The following PDZD2 variants were observed in gnomAD, a reference collection of about 807,000 sequenced individuals.
The protein encoded by PDZD2 is PDZ domain containing 2, also known as PDZ domain-containing protein 2.
A neutral mutation model predicts 220.7 loss-of-function variants in PDZD2; 90 were observed. That is an observed-to-expected ratio of 0.41 (90% confidence interval 0.34 to 0.49). PDZD2 has a LOEUF of 0.49. Among genes scored for constraint, PDZD2 ranks in the 20% least tolerant of loss-of-function variants. PDZD2 has a pLI of 0.28. For missense variants in PDZD2, 3,174 were observed against 3,608.5 expected (o/e 0.88, Z 3.08); for synonymous variants, 1,375 against 1,450.5 (o/e 0.95, Z 1.18).
At chr5:31,710,258 T>G (rs1748026547) in intron 1 of PDZD2, among the ~76,000 whole-genome samples, 1 of 152,228 alleles carries the variant, frequency 6.6e-6, no homozygotes, top group South Asian at 2.1e-4. Flanking sequence ...CCAGTAGCAC[T>G]CTGAGACTGT....
Position 32,058,098 on chromosome 5 carries a change from A to G in PDZD2, c.2195A>G (p.Asn732Ser). Reference sequence around the variant, plus strand: ...AGGATCGTCATGGAAGTAACACTCAACAAAGGTGATAGCAGCTATTCCTTA... The same window carrying G: ...AGGATCGTCATGGAAGTAACACTCAGCAAAGGTGATAGCAGCTATTCCTTA... The part of the protein sequence containing the change: ...KDRIVMEVTL[N>S]KEPRVGLGIG... The change falls in exon 12 of 25, where the codon AAC (asparagine) becomes AGC (serine). Residue 732 changes from asparagine (N) to serine (S), a missense_variant. Physicochemically the swap from Asn to Ser is conservative, Grantham distance 46. Transcript: ENST00000438447. 6.6e-7 allele frequency: 1 copy of G among 1,506,322 alleles called. No homozygotes were observed. Among genetic ancestry groups the G allele is most frequent in the South Asian group, 1.1e-5 (1 of 89,004 alleles). 93.3% of individuals were successfully genotyped at this position (1,506,322 alleles called of 1,614,324 possible).
intron 2 of PDZD2, among the ~76,000 whole-genome samples, chr5:31,939,764 G>T (rs968134184): frequency 1.3e-5 from 2 of 152,174 alleles, no homozygotes; most frequent in Non-Finnish European, 2.9e-5. Flanking sequence ...CAAAGCTGAA[G>T]CATCTGTCAT....
At chr5:31,758,335 GGAGATGGAAT>G in intron 1 of PDZD2, among the ~76,000 whole-genome samples, 1 of 152,344 alleles carries the variant, frequency 6.6e-6, no homozygotes, top group Non-Finnish European at 1.5e-5. Context: ...CGATGGCACT[GGAGATGGAAT>G]GAGGGTTGGG....
chr5:31,743,177 C>CTTTTTTT (rs753388178), intron 1 of PDZD2, among the ~76,000 whole-genome samples: 1 of 142,902 alleles, frequency 7.0e-6, no homozygotes, highest in Non-Finnish European at 1.5e-5. Flanking sequence ...ATTCTTTTTT[C>CTTTTTTT]TTTTTTTTTT....
chr5:31,812,132 A>T (rs1460257355), intron 2 of PDZD2, among the ~76,000 whole-genome samples: 2 of 151,970 alleles, frequency 1.3e-5, no homozygotes, highest in African/African-American at 4.8e-5. Flanking sequence ...CCAGATATCC[A>T]CTCCTGTGAA....
chr5:31,923,759 C>T (rs975024588), intron 2 of PDZD2, among the ~76,000 whole-genome samples: 11 of 152,278 alleles, frequency 7.2e-5, no homozygotes, highest in African/African-American at 2.6e-4. Context: ...AATACACTTG[C>T]AGTAAGTCAC....
chr5:31,767,000 T>C (rs1168053031), intron 1 of PDZD2, among the ~76,000 whole-genome samples: 1 of 149,210 alleles, frequency 6.7e-6, no homozygotes, highest in Non-Finnish European at 1.5e-5. Context: ...TGCTGGGGGA[T>C]TACAGGTGTG....
intron 8 of PDZD2, among the ~76,000 whole-genome samples, chr5:32,051,111 G>A (rs1738503075): frequency 6.6e-6 from 1 of 152,130 alleles, no homozygotes. Context: ...ACAGGCCTTT[G>A]GTTCCTTCTG....
At chr5:32,066,168 C>T (rs987873832) in intron 14 of PDZD2, among the ~76,000 whole-genome samples, 3 of 151,596 alleles carry the variant, frequency 2.0e-5, no homozygotes, top group African/African-American at 7.3e-5. Context: ...CATGGTGAAA[C>T]CCCATCTCTA....
intron 2 of PDZD2, among the ~76,000 whole-genome samples, chr5:31,968,255 G>A (rs1748940977): frequency 6.6e-6 from 1 of 152,188 alleles, no homozygotes; most frequent in Non-Finnish European, 1.5e-5. Flanking sequence ...CTACTCGGGT[G>A]GTTGAGGTAG....
Position 32,089,043 on chromosome 5 carries a change from G to C in PDZD2, c.5595G>C (p.Lys1865Asn). 1 of 1,613,922 alleles carries C rather than the reference G, an allele frequency of 6.2e-7. No homozygotes were observed. Among genetic ancestry groups the C allele is most frequent in the South Asian group, 1.1e-5 (1 of 91,084 alleles). Residue 1865 changes from lysine (K) to asparagine (N), a missense_variant, in exon 20 of 25, where the codon AAG (lysine) becomes AAC (asparagine). Around this residue, in one of 4 missense-constraint regions of PDZD2, gnomAD observed 1,861 missense variants for 2,001.0 expected, o/e 0.93. Transcript: ENST00000438447. Reference protein sequence around the residue: ...KTNLENKDLSKKSPAEMLLTN... With the variant: ...KTNLENKDLSNKSPAEMLLTN... ...ACCTGGAAAATAAGGACCTGTCTAA[G>C]AAGAGTCCGGCAGAAATGCTTCTGA...
intron 7 of PDZD2, among the ~76,000 whole-genome samples, chr5:32,038,165 T>C (rs1475567906): frequency 1.6e-5 from 2 of 126,222 alleles, no homozygotes; most frequent in South Asian, 5.5e-4. Flanking sequence ...AGGCACATGA[T>C]GGGTCTTTTC....
chr5:31,747,050 C>T (rs113406230), intron 1 of PDZD2, among the ~76,000 whole-genome samples: 4,887 of 152,262 alleles, frequency 0.032, 106 homozygotes, highest in Non-Finnish European at 0.05. Flanking sequence ...TGGCGGATGC[C>T]TGTAATCCCA....
At chr5:31,689,353 A>ATATATATATATATTTTTTTTTTCTTT in intron 1 of PDZD2, among the ~76,000 whole-genome samples, 2 of 35,118 alleles carry the variant, frequency 5.7e-5, no homozygotes, top group Non-Finnish European at 4.2e-5. Context: ...ATATATATAT[A>ATATATATATATATTTTTTTTTTCTTT]TTTTTTTTTT....
At chr5:31,691,290 C>G (rs1399432525) in intron 1 of PDZD2, among the ~76,000 whole-genome samples, 1 of 151,992 alleles carries the variant, frequency 6.6e-6, no homozygotes, top group Non-Finnish European at 1.5e-5. Context: ...TCGCTGGCTT[C>G]AGGAGTGAAG....
rs10940960 is a variant in PDZD2 at position 31,646,304 on chromosome 5, G to A, written c.-361+6867G>A. Among the ~76,000 whole-genome samples, 102,059 of 151,750 alleles carry A rather than the reference G, an allele frequency of 0.67. 34,710 individuals are homozygous for A. The highest frequency in any genetic ancestry group is 0.78 in the East Asian group (3,996 of 5,126). On this transcript the variant is annotated intron_variant, in intron 1 of 24. Transcript: ENST00000438447. This position sits in a 1 kb window ranked among gnomAD's most constrained non-coding sequence, Gnocchi z 4.7. ...TAATATCTTGGGTTGGTGGGTACAAGTTTGAACACCTAGTAATGCCCCTTA... is the reference window on the plus strand; with the variant it reads ...TAATATCTTGGGTTGGTGGGTACAAATTTGAACACCTAGTAATGCCCCTTA...
At chr5:32,007,135 G>A (rs1752892512) in intron 5 of PDZD2, among the ~76,000 whole-genome samples, 1 of 151,458 alleles carries the variant, frequency 6.6e-6, no homozygotes, top group African/African-American at 2.4e-5. Context: ...AGCTAGGATG[G>A]TCTCAATCTC....
At chr5:31,900,003 T>A (rs1397419201) in intron 2 of PDZD2, among the ~76,000 whole-genome samples, 2 of 152,212 alleles carry the variant, frequency 1.3e-5, no homozygotes, top group Non-Finnish European at 2.9e-5. Context: ...TTTCTGTCAA[T>A]TGAGAAGAAT....
chr5:32,057,485 T>C (rs1430253581), intron 10 of PDZD2, among the ~76,000 whole-genome samples, 170 bp from the exon 11 acceptor site: 1 of 152,266 alleles, frequency 6.6e-6, no homozygotes, highest in Non-Finnish European at 1.5e-5. Flanking sequence ...TGTGTTGTCA[T>C]TAATTGTCCC....
Sources: allele counts gnomAD v4.1 joint callset (sites outside exome capture counted in the v4.1 genomes callset), GRCh38; gene constraint gnomAD v4.1.1; regional missense constraint gnomAD v4.1.1; non-coding constraint Gnocchi (gnomAD v3.1); transcripts MANE v1.5; gene names NCBI Gene and HGNC (gene_info 2026-07-23, HGNC 2026-07-21).